The following HECTD4 variants were observed in gnomAD, a reference collection of about 807,000 sequenced individuals.
HECTD4 encodes the protein probable E3 ubiquitin-protein ligase HECTD4.
HECTD4 carries 114 observed loss-of-function variants against 471.5 expected under a neutral mutation model. That is an observed-to-expected ratio of 0.24 (90% CI 0.21 to 0.28). The LOEUF (loss-of-function observed/expected upper bound fraction) is 0.28. Among genes scored for constraint, HECTD4 ranks in the 10% least tolerant of loss-of-function variants. The probability of loss-of-function intolerance (pLI) is 1.00; values close to 1 mark genes in which losing one functional copy is unlikely to be tolerated. For synonymous variants in HECTD4, 2,012 were observed against 2,256.0 expected, an observed-to-expected ratio of 0.89 and a Z score of 3.07; for missense variants, 3,866 against 5,651.5, an observed-to-expected ratio of 0.68 and a Z score of 10.13.
chr12:112,315,033 C>T (rs1358545327), intron 2 of HECTD4, among the ~76,000 whole-genome samples: 1 of 152,176 alleles, frequency 6.6e-6, no homozygotes, highest in Non-Finnish European at 1.5e-5. Flanking sequence ...ATGCTCTGTG[C>T]TGAGAGATGC....
chr12:112,189,071 T>G (rs2031985257), intron 60 of HECTD4, among the ~76,000 whole-genome samples: 1 of 152,184 alleles, frequency 6.6e-6, no homozygotes, highest in Admixed American at 6.5e-5. Flanking sequence ...GGTCTGGCTA[T>G]GTTGCTCCAT....
At chr12:112,226,801 T>C (rs1290896449) in intron 43 of HECTD4, 43 bp from the exon 44 acceptor site, 1 of 1,430,752 alleles carries the variant, frequency 7.0e-7, no homozygotes. Flanking sequence ...TCATCAGTGT[T>C]CATTGTCTAA....
chr12:112,177,377 AT>A lies in HECTD4; in HGVS notation c.11364-676del, dbSNP rs766400935. On this transcript the variant is annotated intron_variant, in intron 64 of 75. Coordinates refer to ENST00000682272, the MANE Select transcript of HECTD4 (RefSeq NM_001388303.1). ...TCCATACATGGAATGTTATGAGGCT[AT>A]TTTTTTTTTTTTTTTTTTTGAGACA... 0.051 allele frequency among the ~76,000 whole-genome samples: 6,447 copies of A among 127,188 alleles called. 593 individuals carry two copies. The East Asian group carries it at 0.52, about 10-fold the overall frequency. The allele number at this position is 127,188 out of a possible 152,430, so 83.4% of individuals were successfully genotyped here.
intron 1 of HECTD4, among the ~76,000 whole-genome samples, chr12:112,359,026 A>T (rs1243131558): frequency 6.6e-6 from 1 of 152,150 alleles, no homozygotes; most frequent in Non-Finnish European, 1.5e-5. Context: ...ATACAAAAAA[A>T]TTAGCCAGGT....
intron 45 of HECTD4, 115 bp from the exon 46 acceptor site, chr12:112,217,310 C>CACACAT: frequency 1.8e-6 from 1 of 553,092 alleles, no homozygotes. Flanking sequence ...TACACACACA[C>CACACAT]ACACACATAC....
At position 112,319,754 on chromosome 12, in the gene HECTD4, G is replaced by A. The variant is rs7312929; in HGVS notation, c.178-12C>T. ...TCAAAGGTTAAAATCTAAGGAAAAA[G>A]ACGATGGAGAAGTGGGTAAATATTA... On this transcript the variant is annotated splice_polypyrimidine_tract_variant and intron_variant, in intron 1 of 75. Coordinates refer to ENST00000682272, the MANE Select transcript of HECTD4 (RefSeq NM_001388303.1). The surrounding 1 kb of genome is among the most constrained non-coding windows in gnomAD (Gnocchi z 5.3). The A allele has an allele frequency of 0.025, 30,701 of 1,246,014 alleles. 436 individuals carry two copies. The highest frequency in any genetic ancestry group is 0.039 in the Middle Eastern group (128 of 3,246). 77.2% of individuals were successfully genotyped at this position (1,246,014 alleles called of 1,614,324 possible). A position where few individuals can be genotyped will look rare whatever the true frequency, so the allele number is the denominator to read the frequency against.
At chr12:112,177,589 C>A (rs2137017156) in intron 64 of HECTD4, among the ~76,000 whole-genome samples, 1 of 152,240 alleles carries the variant, frequency 6.6e-6, no homozygotes, top group Non-Finnish European at 1.5e-5. Flanking sequence ...ACCGTGTTAG[C>A]CAGGATGGTC....
chr12:112,272,066 G>A (rs907868821), intron 11 of HECTD4, among the ~76,000 whole-genome samples: 1 of 151,750 alleles, frequency 6.6e-6, no homozygotes, highest in African/African-American at 2.4e-5. Flanking sequence ...TTGAGACAGA[G>A]TTTCAAAAAA....
At chr12:112,170,135 A>G in intron 69 of HECTD4, 198 bp downstream of exon 69, 1 of 719,930 alleles carries the variant, frequency 1.4e-6, no homozygotes. Flanking sequence ...CCCGGGAGCC[A>G]AGCTCCTTCT....
Position 112,185,110 on chromosome 12 carries a change from G to A in HECTD4, c.9856C>T (p.Pro3286Ser), listed in dbSNP as rs994020390. The stretch of plus-strand genomic sequence containing the variant: ...GAGGAGGACGAGTCACTGAGATTTG[G>A]GGCGGTCGCTGAGGTCACCCCACTG... ...TASGVTSATA[P>S]NLSDSSSSSS... The change falls in exon 61 of 76, where the codon CCA (proline) becomes TCA (serine). Residue 3286 changes from proline to serine, a missense_variant. By Grantham distance (74) the Pro-to-Ser change is moderately conservative (BLOSUM62 -1). Coordinates refer to ENST00000682272, the MANE Select transcript of HECTD4 (RefSeq NM_001388303.1). The A allele has an allele frequency of 1.3e-6, 2 of 1,563,954 alleles. No homozygotes were observed. The highest frequency in any genetic ancestry group is 1.7e-6 in the Non-Finnish European group (2 of 1,153,720).
At chr12:112,231,054 T>C in intron 39 of HECTD4, 1 of 509,366 alleles carries the variant, frequency 2.0e-6, no homozygotes, top group Non-Finnish European at 3.5e-6. Context: ...ACTTTATTTA[T>C]AAGCCATGAG....
At chr12:112,375,890 G>A (rs1269510059) in intron 1 of HECTD4, among the ~76,000 whole-genome samples, 8 of 147,196 alleles carry the variant, frequency 5.4e-5, no homozygotes, top group Non-Finnish European at 1.0e-4. Flanking sequence ...CCAATATGGC[G>A]AAACCGCATC....
Position 112,235,940 on chromosome 12 carries a change from G to A in HECTD4, c.5445-156C>T, listed in dbSNP as rs2033493191. ...GCTTCTGTGAAGAATTAAGAATTTT[G>A]GAAACATTTGATGAAACCAAACAAC... On this transcript the variant is annotated intron_variant, in intron 35 of 75. Coordinates refer to ENST00000682272, the MANE Select transcript of HECTD4 (RefSeq NM_001388303.1). This position sits in a 1 kb window ranked among gnomAD's most constrained non-coding sequence, Gnocchi z 5.0. Among the ~76,000 whole-genome samples the A allele has an allele frequency of 6.6e-6, 1 of 152,136 alleles. No individual in the cohort carries two copies. Among genetic ancestry groups the A allele is most frequent in the Non-Finnish European group, 1.5e-5 (1 of 68,026 alleles).
At chr12:112,285,378 A>T (rs898416810) in intron 7 of HECTD4, among the ~76,000 whole-genome samples, 1 of 152,144 alleles carries the variant, frequency 6.6e-6, no homozygotes, top group Non-Finnish European at 1.5e-5. Context: ...TTCAGGTCTT[A>T]GTTAAACGTT....
intron 67 of HECTD4, among the ~76,000 whole-genome samples, chr12:112,172,195 G>A (rs1374462812): frequency 1.3e-5 from 2 of 152,220 alleles, no homozygotes; most frequent in Admixed American, 6.5e-5. Context: ...GAGCTAGCGC[G>A]CCTGGCCCAG....
chr12:112,272,501 G>A lies in HECTD4; in HGVS notation c.1942+1154C>T, dbSNP rs189882164. Among the ~76,000 whole-genome samples, 279 of 152,254 alleles carry A rather than the reference G, an allele frequency of 1.8e-3. 1 individual carries two copies. The highest frequency in any genetic ancestry group is 1.6e-3 in the Non-Finnish European group (107 of 68,020). ...CACCCTGGATGGATCTGTGTATTTCGGGAGAAGTGCAGCAAAGTTCACGCG... is the reference window on the plus strand; with the variant it reads ...CACCCTGGATGGATCTGTGTATTTCAGGAGAAGTGCAGCAAAGTTCACGCG... On this transcript the variant is annotated intron_variant, in intron 11 of 75. Transcript: ENST00000682272.
At position 112,176,754 on chromosome 12, in the gene HECTD4, G is replaced by C. The variant is rs187813891; in HGVS notation, c.11364-52C>G. ...CTAATGCACGTTCACACCTCCTCCC[G>C]ATAGGAAATACACAGCCTCATAGTC... On this transcript the variant is annotated intron_variant, in intron 64 of 75. Transcript: ENST00000682272. 165 of 1,273,788 alleles carry C rather than the reference G, an allele frequency of 1.3e-4. No individual in the cohort carries two copies. The East Asian group carries it at 3.7e-3, about 29-fold the overall frequency. The allele number at this position is 1,273,788 out of a possible 1,614,324, so 78.9% of individuals were successfully genotyped here. A position where few individuals can be genotyped will look rare whatever the true frequency, so the allele number is the denominator to read the frequency against.
At chr12:112,201,564 C>T (rs2032431935) in intron 54 of HECTD4, 4 of 151,998 alleles carry the variant, frequency 2.6e-5, no homozygotes, top group Admixed American at 6.6e-5. Flanking sequence ...TATATTTATA[C>T]ATATATAACC....
intron 68 of HECTD4, chr12:112,170,750 CAT>C (rs141129969): frequency 2.1e-4 from 98 of 477,560 alleles, no homozygotes; most frequent in African/African-American, 1.4e-3. Context: ...TGTGTGCACA[CAT>C]GTGTCTGTTT....
Sources: allele counts gnomAD v4.1 joint callset (sites outside exome capture counted in the v4.1 genomes callset), GRCh38; gene constraint gnomAD v4.1.1; non-coding constraint Gnocchi (gnomAD v3.1); transcripts MANE v1.5; gene names NCBI Gene and HGNC (gene_info 2026-07-23, HGNC 2026-07-21).